The following SEMA3A variants were observed in gnomAD, a reference collection of about 807,000 sequenced individuals.
SEMA3A encodes semaphorin-3A.
SEMA3A carries 29 observed loss-of-function variants against 97.9 expected under a neutral mutation model. The observed-to-expected ratio is 0.30, with a 90% confidence interval of 0.22 to 0.40. SEMA3A has a LOEUF of 0.40. Ranked by LOEUF, SEMA3A falls within the 10% of genes least tolerant of loss-of-function variation. SEMA3A has a pLI of 1.00. For missense variants in SEMA3A, 763 were observed against 951.3 expected (o/e 0.80, Z 2.60); for synonymous variants, 321 against 323.7 (o/e 0.99, Z 0.09).
At chr7:84,133,639 T>C (rs1338496555) in intron 2 of SEMA3A, among the ~76,000 whole-genome samples, 1 of 152,160 alleles carries the variant, frequency 6.6e-6, no homozygotes, top group Non-Finnish European at 1.5e-5. Flanking sequence ...ATTCTTCAGA[T>C]AATTATTATC....
chr7:84,254,077 AC>A (rs1321926265), intron 3 of SEMA3A, among the ~76,000 whole-genome samples: 1 of 152,252 alleles, frequency 6.6e-6, no homozygotes, highest in East Asian at 1.9e-4. Context: ...TGTGAATGAG[AC>A]AAAATCTTGA....
chr7:84,262,796 T>C (rs2115667730), intron 3 of SEMA3A, among the ~76,000 whole-genome samples: 1 of 152,306 alleles, frequency 6.6e-6, no homozygotes, highest in African/African-American at 2.4e-5. Context: ...CTAAAAACAT[T>C]TTCCTGTTCA....
At chr7:84,193,085 C>T (rs1476987452) in intron 1 of SEMA3A, among the ~76,000 whole-genome samples, 1 of 151,950 alleles carries the variant, frequency 6.6e-6, no homozygotes, top group Non-Finnish European at 1.5e-5. Flanking sequence ...TACAATTGCA[C>T]TTCTGTTTGT....
At chr7:84,404,165 A>G (rs1013434090) in intron 1 of SEMA3A, among the ~76,000 whole-genome samples, 3 of 152,182 alleles carry the variant, frequency 2.0e-5, no homozygotes, top group Non-Finnish European at 4.4e-5. Flanking sequence ...AGACGAATGG[A>G]TAACTGGAAT....
intron 1 of SEMA3A, among the ~76,000 whole-genome samples, chr7:84,491,482 G>A (rs1287562693): frequency 6.6e-6 from 1 of 152,074 alleles, no homozygotes; most frequent in African/African-American, 2.4e-5. Context: ...CTTTGGTAGG[G>A]CATATGTTCT....
intron 4 of SEMA3A, among the ~76,000 whole-genome samples, chr7:84,108,339 T>G (rs1795171701): frequency 7.5e-6 from 1 of 133,320 alleles, no homozygotes; most frequent in African/African-American, 2.6e-5. Context: ...TCCTTGAGTT[T>G]CTACAGGGAA....
intron 2 of SEMA3A, among the ~76,000 whole-genome samples, chr7:84,356,231 A>G (rs991877417): frequency 4.6e-5 from 7 of 151,842 alleles, no homozygotes; most frequent in African/African-American, 1.4e-4. Flanking sequence ...TTATATTAAT[A>G]TTATAGTATA....
intron 3 of SEMA3A, among the ~76,000 whole-genome samples, chr7:84,237,481 G>A (rs1265194352): frequency 6.6e-6 from 1 of 152,092 alleles, no homozygotes; most frequent in African/African-American, 2.4e-5. Flanking sequence ...GAGGAGGAAG[G>A]AGATGAGAGG....
At chr7:84,115,686 C>T (rs1795403067) in intron 3 of SEMA3A, among the ~76,000 whole-genome samples, 1 of 152,078 alleles carries the variant, frequency 6.6e-6, no homozygotes, top group Admixed American at 6.6e-5. Context: ...CTAGCATAAC[C>T]TTTCTTCACC....
At position 84,487,812 on chromosome 7, in the gene SEMA3A, A is replaced by C. The variant is rs1207376522; in HGVS notation, c.-246+4648T>G. ...TCGTTTTTTTCTCTTTAAAAAAAAC[A>C]AGAATAGTCTATGACTTTATAAATG... On this transcript the variant is annotated intron_variant, in intron 1 of 3. Transcript: ENST00000424555. 2.0e-5 allele frequency among the ~76,000 whole-genome samples: 3 copies of C among 152,300 alleles called. No individual in the cohort carries two copies. In the East Asian group the frequency reaches 5.8e-4, roughly 29 times the overall value.
rs1272368951 is a variant in SEMA3A at position 84,063,717 on chromosome 7, G to A, written c.454-3159C>T. Among the ~76,000 whole-genome samples the A allele has an allele frequency of 1.7e-3, 263 of 150,452 alleles. 1 individual carries two copies. The highest frequency in any genetic ancestry group is 6.9e-3 in the Middle Eastern group (2 of 290). On this transcript the variant is annotated intron_variant, in intron 4 of 16. Transcript: ENST00000265362. ...AATAAAGCGAGAAGGGAAGTTTAGA[G>A]AAAAAAGAATAAAAAGAAATGAGCA...
At chr7:84,183,132 T>C (rs1797779888) in intron 1 of SEMA3A, among the ~76,000 whole-genome samples, 1 of 152,198 alleles carries the variant, frequency 6.6e-6, no homozygotes, top group Non-Finnish European at 1.5e-5. Flanking sequence ...TTTACACCTG[T>C]ATTTACATTG....
intron 1 of SEMA3A, among the ~76,000 whole-genome samples, chr7:84,148,143 G>T (rs527548349): frequency 6.6e-6 from 1 of 152,098 alleles, no homozygotes; most frequent in Non-Finnish European, 1.5e-5. Flanking sequence ...TCGAACCCCT[G>T]ACCTCAGGTT....
chr7:84,439,131 G>A (rs1805208503), intron 1 of SEMA3A, among the ~76,000 whole-genome samples: 1 of 151,838 alleles, frequency 6.6e-6, no homozygotes, highest in Non-Finnish European at 1.5e-5. Context: ...TTAACTACCT[G>A]TACTTCTTGG....
chr7:84,463,111 T>G (rs1298452611), intron 1 of SEMA3A, among the ~76,000 whole-genome samples: 2 of 152,074 alleles, frequency 1.3e-5, no homozygotes, highest in Non-Finnish European at 2.9e-5. Context: ...AGTTCAACTG[T>G]TTTTCATTTT....
chr7:84,112,220 C>A (rs1795294467), intron 3 of SEMA3A, among the ~76,000 whole-genome samples: 1 of 152,170 alleles, frequency 6.6e-6, no homozygotes, highest in African/African-American at 2.4e-5. Context: ...AGATTATCAT[C>A]TCTGATTGTG....
At chr7:84,272,127 T>C (rs918203694) in intron 3 of SEMA3A, among the ~76,000 whole-genome samples, 25 of 151,942 alleles carry the variant, frequency 1.6e-4, no homozygotes, top group African/African-American at 6.0e-4. Context: ...TAAAATGAAA[T>C]ATGAGCTTTA....
intron 1 of SEMA3A, among the ~76,000 whole-genome samples, chr7:84,166,189 T>A (rs888743095): frequency 1.3e-5 from 2 of 151,438 alleles, no homozygotes; most frequent in Non-Finnish European, 2.9e-5. Flanking sequence ...GGTAGGAGGA[T>A]CACTTGGGCC....
intron 2 of SEMA3A, among the ~76,000 whole-genome samples, chr7:84,370,584 A>G (rs566442143): frequency 1.3e-5 from 2 of 151,836 alleles, no homozygotes; most frequent in African/African-American, 4.8e-5. Flanking sequence ...CCATGTGCCA[A>G]TTCTAGTTTT....
Sources: gnomAD v4.1 joint callset for allele counts (sites outside exome capture counted in the v4.1 genomes callset) on GRCh38, gnomAD v4.1.1 for gene constraint, MANE v1.5 for transcripts, NCBI Gene and HGNC (gene_info 2026-07-23, HGNC 2026-07-21) for gene names.